The following GPI variants were observed in gnomAD, a reference collection of about 807,000 sequenced individuals.
GPI encodes the protein D-hexose-6-phosphate anomerase.
A neutral mutation model predicts 75.8 loss-of-function variants in GPI; 56 were observed. The observed-to-expected ratio is 0.74, with a 90% confidence interval of 0.60 to 0.92. The LOEUF (loss-of-function observed/expected upper bound fraction) is 0.92. GPI is among the 40% of genes least tolerant of loss of function. The pLI is 0.00. For missense variants in GPI, 638 were observed against 741.0 expected (o/e 0.86, Z 1.61); for synonymous variants, 288 against 285.4 (o/e 1.01, Z -0.09).
At chr19:34,392,035 C>A (rs377508635) in intron 9 of GPI, among the ~76,000 whole-genome samples, 2 of 8,688 alleles carry the variant, frequency 2.3e-4, no homozygotes, top group African/African-American at 7.2e-4. Flanking sequence ...CTTTCAATGT[C>A]TGAGAAGGTA....
chr19:34,360,735 G>A (rs1006433833), upstream of GPI, among the ~76,000 whole-genome samples: 1 of 152,182 alleles, frequency 6.6e-6, no homozygotes, highest in African/African-American at 2.4e-5. Flanking sequence ...GGCAGCCTGG[G>A]TTGATTCTCT....
At position 34,402,252 on chromosome 19, in the gene GPI, A is replaced by T. The variant is rs1282820526; in HGVS notation, c.*2216A>T. On this transcript the variant is annotated 3_prime_UTR_variant, in exon 18 of 18. Coordinates refer to ENST00000356487, the MANE Select transcript of GPI (RefSeq NM_000175.5). ...AAAGGAGCATTCACTTCAGCCTCTG[A>T]CTGGTGGCAGGCCAAGTCTTTATTT... 6.6e-6 allele frequency: 1 copy of T among 152,230 alleles called. No homozygotes were observed. The highest frequency in any genetic ancestry group is 1.9e-4 in the East Asian group (1 of 5,198). 9.4% of individuals were successfully genotyped at this position (152,230 alleles called of 1,614,324 possible). A position where few individuals can be genotyped will look rare whatever the true frequency, so the allele number is the denominator to read the frequency against.
chr19:34,368,151 C>A (rs1304502066), intron 3 of GPI, among the ~76,000 whole-genome samples: 2 of 152,230 alleles, frequency 1.3e-5, no homozygotes, highest in Admixed American at 6.5e-5. Context: ...GAATTCATGA[C>A]CTCAAGTTAT....
At chr19:34,388,905 C>T (rs563634123) in intron 9 of GPI, among the ~76,000 whole-genome samples, 35 of 151,914 alleles carry the variant, frequency 2.3e-4, no homozygotes, top group South Asian at 1.7e-3. Flanking sequence ...CCTGCCTGGA[C>T]AACAGAGCAA....
At chr19:34,372,715 C>A (rs758655864) in intron 4 of GPI, among the ~76,000 whole-genome samples, 1 of 152,146 alleles carries the variant, frequency 6.6e-6, no homozygotes, top group Non-Finnish European at 1.5e-5. Flanking sequence ...AAGGGTGAAT[C>A]GGATCACTGC....
rs2074650273 is a variant in GPI at position 34,381,450 on chromosome 19, G to GA, written c.751-16_751-15insA. On this transcript the variant is annotated splice_polypyrimidine_tract_variant and intron_variant, in intron 8 of 17. Coordinates refer to ENST00000356487, the MANE Select transcript of GPI (RefSeq NM_000175.5). ...TGCTTCTTTGCATTTCTCTCCCTTT[G>GA]TTTTTTTTTTTGTAGACCAAAGTGA... The GA allele has an allele frequency of 1.5e-6, 2 of 1,329,016 alleles. No homozygotes were observed. Among genetic ancestry groups the GA allele is most frequent in the Non-Finnish European group, 2.1e-6 (2 of 947,716 alleles). The allele number at this position is 1,329,016 out of a possible 1,614,324, so 82.3% of individuals were successfully genotyped here. A position where few individuals can be genotyped will look rare whatever the true frequency, so the allele number is the denominator to read the frequency against.
chr19:34,389,163 A>G (rs564122363), intron 9 of GPI, among the ~76,000 whole-genome samples: 2 of 152,136 alleles, frequency 1.3e-5, no homozygotes, highest in African/African-American at 4.8e-5. Context: ...AGCATGATGT[A>G]GTCTGTAGGA....
chr19:34,367,151 T>A (rs1393444790), intron 3 of GPI: 1 of 508,216 alleles, frequency 2.0e-6, no homozygotes, highest in Non-Finnish European at 3.6e-6. Flanking sequence ...CTCTAATATA[T>A]CCTCAATGCA....
At chr19:34,391,211 ATGAGGATC>A (rs2074822764) in intron 9 of GPI, among the ~76,000 whole-genome samples, 1 of 490 alleles carries the variant, frequency 2.0e-3, no homozygotes, top group African/African-American at 0.011. Context: ...GGGTACAAGT[ATGAGGATC>A]TGTGTCCATC....
intron 3 of GPI, among the ~76,000 whole-genome samples, chr19:34,367,515 C>T (rs2074384840): frequency 2.0e-5 from 3 of 152,146 alleles, no homozygotes; most frequent in Admixed American, 2.0e-4. Flanking sequence ...GTGCATTTGC[C>T]AATAAAATGT....
Position 34,393,602 on chromosome 19 carries a change from C to T in GPI, c.866-126C>T, listed in dbSNP as rs976154858. The stretch of plus-strand genomic sequence containing the variant: ...TCACTGGAGGGGCTTTGTCTAGGTC[C>T]GAGTCCTCCCATGTCGTATCTTCTG... On this transcript the variant is annotated intron_variant, in intron 10 of 17. Transcript: ENST00000356487. The surrounding 1 kb of genome is among the most constrained non-coding windows in gnomAD (Gnocchi z 4.4). The T allele has an allele frequency of 1.2e-5, 11 of 921,048 alleles. No homozygotes were observed. The highest frequency in any genetic ancestry group is 9.7e-5 in the African/African-American group (6 of 61,652). The allele number at this position is 921,048 out of a possible 1,614,324, so 57.1% of individuals were successfully genotyped here.
At chr19:34,362,580 A>G (rs1367403213), upstream of GPI, among the ~76,000 whole-genome samples, 2 of 152,198 alleles carry the variant, frequency 1.3e-5, no homozygotes, top group African/African-American at 2.4e-5. Context: ...CACCCGTAAC[A>G]TCTTTGGAAA....
chr19:34,399,254 A>G lies in GPI; in HGVS notation c.1317A>G (p.Gly439=). 2 of 1,613,778 alleles carry G rather than the reference A, an allele frequency of 1.2e-6. No individual in the cohort carries two copies. The highest frequency in any genetic ancestry group is 1.7e-6 in the Non-Finnish European group (2 of 1,179,916). Residue 439 remains glycine (G), a synonymous_variant, in exon 15 of 18, where the codon GGA becomes GGG. Coordinates refer to ENST00000356487, the MANE Select transcript of GPI (RefSeq NM_000175.5). ...FLAQTEALMR[G]KSTEEARKEL... ...CCCAGACAGAGGCCCTGATGAGGGG[A>G]AAATCGACGGAGGAGGCCCGAAAGG...
At chr19:34,372,653 TA>T in intron 4 of GPI, among the ~76,000 whole-genome samples, 1 of 152,158 alleles carries the variant, frequency 6.6e-6, no homozygotes, top group African/African-American at 2.4e-5. Context: ...AAAACAAAAC[TA>T]AAAAATACCC....
chr19:34,396,494 T>C, intron 13 of GPI, 64 bp downstream of exon 13: 1 of 1,612,778 alleles, frequency 6.2e-7, no homozygotes, highest in Non-Finnish European at 8.5e-7. Context: ...AGAAGAGATA[T>C]CTCACTTAGG....
chr19:34,392,961 A>G (rs1278041050), intron 9 of GPI: 2 of 468,306 alleles, frequency 4.3e-6, no homozygotes, highest in Admixed American at 3.3e-5. Context: ...TGGCACAGGT[A>G]TGAGGTCCTG....
chr19:34,387,189 A>C (rs1247521712), intron 9 of GPI, among the ~76,000 whole-genome samples: 3 of 152,202 alleles, frequency 2.0e-5, no homozygotes, highest in African/African-American at 7.2e-5. Flanking sequence ...CATCTTTGAC[A>C]GGTATATAAC....
At position 34,377,771 on chromosome 19, in the gene GPI, T is replaced by C; in HGVS notation, c.523T>C (p.Ser175Pro). 2 of 1,613,914 alleles carry C rather than the reference T, an allele frequency of 1.2e-6. No individual in the cohort carries two copies. The highest frequency in any genetic ancestry group is 1.7e-6 in the Non-Finnish European group (2 of 1,179,818). ...GGTGACTGAAGCCCTTAAGCCATAC[T>C]CTTCAGGAGGTCCCCGCGTCTGGTA... ...LMVTEALKPY[S>P]SGGPRVWYVS... Residue 175 changes from serine to proline, a missense_variant, in exon 6 of 18, where the codon TCT becomes CCT. Coordinates refer to ENST00000356487, the MANE Select transcript of GPI (RefSeq NM_000175.5).
intron 9 of GPI, among the ~76,000 whole-genome samples, chr19:34,390,562 A>G (rs1198122150): frequency 6.7e-6 from 1 of 149,838 alleles, no homozygotes; most frequent in Admixed American, 6.7e-5. Context: ...TGGTACAAGT[A>G]TGAGGCCCTG....
Sources: gnomAD v4.1 joint callset for allele counts (sites outside exome capture counted in the v4.1 genomes callset) on GRCh38, gnomAD v4.1.1 for gene constraint, Gnocchi (gnomAD v3.1) non-coding constraint, MANE v1.5 for transcripts, NCBI Gene and HGNC (gene_info 2026-07-23, HGNC 2026-07-21) for gene names.